Variants in WDR41 observed in about 807,000 individuals in gnomAD.
The protein encoded by WDR41 is WD repeat domain 41.
Under a neutral mutation model 69.3 loss-of-function variants are expected in WDR41, and 63 were observed. That is an observed-to-expected ratio of 0.91 (90% CI 0.74 to 1.12). The LOEUF (loss-of-function observed/expected upper bound fraction) is 1.12. WDR41 is among the 50% of genes most tolerant of loss of function. The pLI is 0.00. For synonymous variants in WDR41, 185 were observed against 192.1 expected (o/e 0.96, Z 0.31); for missense variants, 543 against 534.5 (o/e 1.02, Z -0.16).
rs2112266125 is a variant in WDR41 at position 77,566,519 on chromosome 5, A to G, written c.42+53960T>C. On this transcript the variant is annotated intron_variant, in intron 1 of 5. Coordinates refer to the WDR41 transcript ENST00000509971. ...AACTGTCCATTCTGAAGGCTATTAA[A>G]GCAAGCCAAGACACATATTTCATTA... 3.3e-5 allele frequency among the ~76,000 whole-genome samples: 5 copies of G among 152,320 alleles called. No individual in the cohort carries two copies. The South Asian group carries it at 1.0e-3, about 32-fold the overall frequency.
chr5:77,470,786 T>C (rs967410319), intron 2 of WDR41, among the ~76,000 whole-genome samples: 66 of 152,234 alleles, frequency 4.3e-4, no homozygotes, highest in Middle Eastern at 6.8e-3. Context: ...AGCAAGTCCT[T>C]AGAGACCTAG....
At chr5:77,532,941 C>A (rs1469396748) in intron 1 of WDR41, among the ~76,000 whole-genome samples, 2 of 151,824 alleles carry the variant, frequency 1.3e-5, no homozygotes, top group East Asian at 3.9e-4. Flanking sequence ...ACTGGGATGC[C>A]TAAATTTTTG....
chr5:77,612,172 T>C (rs146623219), intron 1 of WDR41, among the ~76,000 whole-genome samples: 1,818 of 151,700 alleles, frequency 0.012, 34 homozygotes, highest in African/African-American at 0.042. Flanking sequence ...CCAAAAAGAG[T>C]CCAGGACCAG....
At chr5:77,471,109 A>G (rs538553780) in intron 2 of WDR41, among the ~76,000 whole-genome samples, 19 of 152,240 alleles carry the variant, frequency 1.2e-4, no homozygotes, top group Non-Finnish European at 1.8e-4. Context: ...ACTAGAACTC[A>G]GGATTAAGAA....
chr5:77,593,217 G>A (rs1464446932), intron 1 of WDR41, among the ~76,000 whole-genome samples: 1 of 152,100 alleles, frequency 6.6e-6, no homozygotes, highest in Non-Finnish European at 1.5e-5. Context: ...TAATGACTTT[G>A]TATTTTACTC....
chr5:77,541,352 A>T (rs1743084269), intron 1 of WDR41, among the ~76,000 whole-genome samples: 2 of 152,120 alleles, frequency 1.3e-5, no homozygotes. Flanking sequence ...CATGAAAAAA[A>T]GCTCAATATC....
At chr5:77,595,191 T>C (rs1744206425) in intron 1 of WDR41, among the ~76,000 whole-genome samples, 1 of 152,190 alleles carries the variant, frequency 6.6e-6, no homozygotes. Flanking sequence ...TAAAGGTATT[T>C]GAATCTGTGT....
At chr5:77,582,514 A>G in intron 1 of WDR41, 1 of 1,599,452 alleles carries the variant, frequency 6.3e-7, no homozygotes, top group African/African-American at 1.3e-5. Flanking sequence ...AAAGGCAAGG[A>G]GGAAGCTTAT....
intron 2 of WDR41, among the ~76,000 whole-genome samples, chr5:77,485,484 T>C (rs1364119830): frequency 6.6e-6 from 1 of 152,212 alleles, no homozygotes; most frequent in Admixed American, 6.5e-5. Flanking sequence ...CACTTCATCA[T>C]GGGTCATCTG....
intron 4 of WDR41, among the ~76,000 whole-genome samples, chr5:77,459,569 G>C (rs1369697772): frequency 6.6e-6 from 1 of 152,100 alleles, no homozygotes; most frequent in Non-Finnish European, 1.5e-5. Context: ...GATTCGAGAA[G>C]ACACTAACAG....
At chr5:77,434,894 G>C (rs928434370) in intron 12 of WDR41, among the ~76,000 whole-genome samples, 1 of 149,060 alleles carries the variant, frequency 6.7e-6, no homozygotes, top group Non-Finnish European at 1.5e-5. Flanking sequence ...TTTTACATGG[G>C]GTTTTCCCTA....
At chr5:77,488,550 T>C (rs1801622606) in intron 2 of WDR41, among the ~76,000 whole-genome samples, 1 of 131,120 alleles carries the variant, frequency 7.6e-6, no homozygotes, top group South Asian at 2.3e-4. Context: ...ATCCATGGAG[T>C]GAAAAAAAAC....
chr5:77,460,483 T>C (rs910430534), intron 4 of WDR41, among the ~76,000 whole-genome samples: 42 of 152,324 alleles, frequency 2.8e-4, no homozygotes, highest in African/African-American at 9.9e-4. Flanking sequence ...TTCAGTAACC[T>C]GAGCTCCTAA....
chr5:77,444,947 T>C (rs936803043), intron 8 of WDR41, among the ~76,000 whole-genome samples: 1 of 151,894 alleles, frequency 6.6e-6, no homozygotes, highest in Admixed American at 6.6e-5. Flanking sequence ...CAGAGAAGAA[T>C]TGAAGGAGAC....
intron 1 of WDR41, among the ~76,000 whole-genome samples, chr5:77,541,713 G>A (rs966249544): frequency 6.0e-5 from 9 of 149,332 alleles, no homozygotes; most frequent in African/African-American, 7.6e-5. Flanking sequence ...GGCTGATCTC[G>A]AACTCCTGAC....
chr5:77,493,962 A>T (rs1288878819), upstream of WDR41, among the ~76,000 whole-genome samples: 1 of 151,010 alleles, frequency 6.6e-6, no homozygotes, highest in African/African-American at 2.4e-5. Context: ...CTAAGAAAGA[A>T]TTTTTTACAA....
intron 9 of WDR41, 142 bp from the exon 10 acceptor site, chr5:77,438,503 T>C: frequency 1.7e-6 from 2 of 1,185,376 alleles, no homozygotes; most frequent in Non-Finnish European, 2.3e-6. Flanking sequence ...AGTACTAATC[T>C]CTGAAACCCC....
In WDR41 at chr5:77,432,047, A is replaced by C. The variant is rs559289392; in HGVS notation, c.*1088T>G. Reference sequence around the variant, plus strand: ...CTTAACTCTTCCAGTCTTTGTAGGTAGTTGTGGAAGCAACTGTCAAAGCTA... The same window carrying C: ...CTTAACTCTTCCAGTCTTTGTAGGTCGTTGTGGAAGCAACTGTCAAAGCTA... On this transcript the variant is annotated 3_prime_UTR_variant, in exon 13 of 13. Transcript: ENST00000296679. 2 of 152,314 alleles carry C rather than the reference A, an allele frequency of 1.3e-5. No homozygotes were observed. Among genetic ancestry groups the C allele is most frequent in the South Asian group, 4.1e-4 (2 of 4,822 alleles). The allele number at this position is 152,314 out of a possible 1,614,324, so 9.4% of individuals were successfully genotyped here.
In WDR41 at chr5:77,509,318, T is replaced by TC. The variant is rs1281172284; in HGVS notation, c.43-19747dup. On this transcript the variant is annotated intron_variant, in intron 1 of 5. Coordinates refer to the WDR41 transcript ENST00000509971. ...CATCTTCCTGAGAATTCCCTGGAATTCCCCTTTGAATTCCCTGAAATGAAG... is the reference window on the plus strand; with the variant it reads ...CATCTTCCTGAGAATTCCCTGGAATTCCCCCTTTGAATTCCCTGAAATGAAG... Among the ~76,000 whole-genome samples the TC allele has an allele frequency of 2.6e-5, 4 of 152,260 alleles. No individual in the cohort carries two copies. In the East Asian group the frequency reaches 7.7e-4, roughly 29 times the overall value.
Sources: gnomAD v4.1 joint callset for allele counts (sites outside exome capture counted in the v4.1 genomes callset) on GRCh38, gnomAD v4.1.1 for gene constraint, MANE v1.5 for transcripts, NCBI Gene and HGNC (gene_info 2026-07-23, HGNC 2026-07-21) for gene names.